NTM: variants seen among roughly 807,000 people sequenced by gnomAD.
NTM encodes the protein IgLON family member 2.
A neutral mutation model predicts 42.1 loss-of-function variants in NTM; 13 were observed. The ratio of observed to expected loss-of-function variants is 0.31; its 90% CI spans 0.20 to 0.49. The LOEUF is 0.49. Ranked by LOEUF, NTM falls within the 20% of genes least tolerant of loss-of-function variation. The pLI is 0.99. For synonymous variants in NTM, 187 were observed against 179.2 expected (o/e 1.04, Z -0.35); for missense variants, 373 against 452.8 (o/e 0.82, Z 1.60).
At chr11:131,751,450 C>T (rs1449696686) in intron 1 of NTM, among the ~76,000 whole-genome samples, 15 of 151,934 alleles carry the variant, frequency 9.9e-5, no homozygotes, top group African/African-American at 4.8e-5. Flanking sequence ...ATTAGCCGGG[C>T]GCGGTGGCGG....
chr11:131,782,932 AT>A (rs2088448319), intron 1 of NTM, among the ~76,000 whole-genome samples: 1 of 152,156 alleles, frequency 6.6e-6, no homozygotes, highest in African/African-American at 2.4e-5. Context: ...CGAGAAAAGA[AT>A]ATCTGCTCTC....
At chr11:131,811,835 G>A (rs1013963383) in intron 1 of NTM, among the ~76,000 whole-genome samples, 4 of 152,100 alleles carry the variant, frequency 2.6e-5, no homozygotes, top group African/African-American at 9.7e-5. Flanking sequence ...ATACAGCTGC[G>A]GCAGCATCTG....
At chr11:132,006,157 A>G (rs1399197596) in intron 2 of NTM, among the ~76,000 whole-genome samples, 2 of 152,164 alleles carry the variant, frequency 1.3e-5, no homozygotes, top group African/African-American at 2.4e-5. Context: ...TTCGCATTCA[A>G]GGATGTGTAG....
At chr11:131,512,694 T>A (rs2136473444) in intron 1 of NTM, among the ~76,000 whole-genome samples, 1 of 152,284 alleles carries the variant, frequency 6.6e-6, no homozygotes, top group South Asian at 2.1e-4. Context: ...CGTGGAATCC[T>A]CTCCCAGCCC....
chr11:132,077,303 T>C (rs2058489723), intron 2 of NTM, among the ~76,000 whole-genome samples: 1 of 152,184 alleles, frequency 6.6e-6, no homozygotes, highest in East Asian at 1.9e-4. Flanking sequence ...TGTCTTCAAG[T>C]CTTTACTTGA....
chr11:132,290,930 G>A (rs185329507), intron 4 of NTM, among the ~76,000 whole-genome samples: 7 of 152,192 alleles, frequency 4.6e-5, no homozygotes, highest in South Asian at 4.1e-4. Flanking sequence ...ATAAGATGAC[G>A]TTCTTCTAGA....
At chr11:131,854,317 A>G (rs1354396805) in intron 1 of NTM, among the ~76,000 whole-genome samples, 1 of 152,230 alleles carries the variant, frequency 6.6e-6, no homozygotes, top group Non-Finnish European at 1.5e-5. Flanking sequence ...ATGAAAAGGT[A>G]CAGCATTAAA....
intron 3 of NTM, among the ~76,000 whole-genome samples, chr11:132,165,011 C>T (rs567728482): frequency 2.0e-5 from 3 of 152,262 alleles, no homozygotes; most frequent in Non-Finnish European, 2.9e-5. Flanking sequence ...TGTTGGCCTA[C>T]ACATAGTCTT....
intron 3 of NTM, among the ~76,000 whole-genome samples, chr11:132,152,691 C>T (rs573979516): frequency 6.6e-6 from 1 of 152,256 alleles, no homozygotes; most frequent in Non-Finnish European, 1.5e-5. Flanking sequence ...TTTAAAATTT[C>T]TTGAAGCAGT....
chr11:131,412,016 C>A (rs1178476325), intron 1 of NTM, among the ~76,000 whole-genome samples: 1 of 152,180 alleles, frequency 6.6e-6, no homozygotes, highest in South Asian at 2.1e-4. Flanking sequence ...CCTACGTGGA[C>A]CCTTGTCTTG....
intron 1 of NTM, among the ~76,000 whole-genome samples, chr11:131,788,829 A>T (rs1047654918): frequency 6.6e-6 from 1 of 151,996 alleles, no homozygotes; most frequent in African/African-American, 2.4e-5. Flanking sequence ...TTTGGGGTCC[A>T]TGCTCTCCTT....
rs926610426 is a variant in NTM, at chr11:131,787,357, T to G, written c.83-124207T>G. Among the ~76,000 whole-genome samples the G allele has an allele frequency of 2.0e-4, 29 of 145,992 alleles. No homozygotes were observed. In the South Asian group the frequency reaches 5.8e-3, roughly 29 times the overall value. On this transcript the variant is annotated intron_variant, in intron 1 of 8. Coordinates refer to ENST00000683400, the MANE Select transcript of NTM (RefSeq NM_001352005.2). ...TTTTAATATTAACATAATACAAGAT[T>G]ATTATTATTATTATTATTATTATTT... is the stretch of plus-strand genomic sequence containing the variant.
At chr11:131,668,716 T>A (rs1042081674) in intron 1 of NTM, among the ~76,000 whole-genome samples, 2 of 152,100 alleles carry the variant, frequency 1.3e-5, no homozygotes, top group African/African-American at 4.8e-5. Flanking sequence ...TTCTGGGTAA[T>A]AAGAAGGAGC....
At chr11:131,818,821 C>G (rs572360656) in intron 1 of NTM, among the ~76,000 whole-genome samples, 1 of 152,258 alleles carries the variant, frequency 6.6e-6, no homozygotes, top group African/African-American at 2.4e-5. Flanking sequence ...ATTACGAGGT[C>G]TTCTCTCTGC....
chr11:132,246,127 G>A (rs889267057), intron 4 of NTM, among the ~76,000 whole-genome samples: 2 of 152,174 alleles, frequency 1.3e-5, no homozygotes, highest in African/African-American at 4.8e-5. Context: ...GGAACTGGCT[G>A]TGCCCTGCAG....
intron 1 of NTM, among the ~76,000 whole-genome samples, chr11:131,570,231 A>G (rs932474987): frequency 6.6e-6 from 1 of 152,134 alleles, no homozygotes; most frequent in Non-Finnish European, 1.5e-5. Context: ...AGTTCATGGG[A>G]ATCAGCATTA....
intron 1 of NTM, among the ~76,000 whole-genome samples, chr11:131,467,315 C>T (rs764703089): frequency 5.3e-5 from 8 of 152,274 alleles, no homozygotes; most frequent in Non-Finnish European, 8.8e-5. Flanking sequence ...TGCATTTCCA[C>T]GGGAGATGAG....
At chr11:132,160,338 C>T (rs970837437) in intron 3 of NTM, among the ~76,000 whole-genome samples, 3 of 152,184 alleles carry the variant, frequency 2.0e-5, no homozygotes, top group Non-Finnish European at 4.4e-5. Context: ...CAAGGGTCAG[C>T]CTTGGCCACA....
chr11:132,119,313 C>T (rs1369068710), intron 2 of NTM, among the ~76,000 whole-genome samples: 1 of 151,714 alleles, frequency 6.6e-6, no homozygotes, highest in Non-Finnish European at 1.5e-5. Flanking sequence ...TTCCAAAGCA[C>T]ACTGTGCAGT....
Sources: gnomAD v4.1 joint callset for allele counts (sites outside exome capture counted in the v4.1 genomes callset) on GRCh38, gnomAD v4.1.1 for gene constraint, MANE v1.5 for transcripts, NCBI Gene and HGNC (gene_info 2026-07-23, HGNC 2026-07-21) for gene names.